The following IL6R variants were observed in gnomAD, a reference collection of about 807,000 sequenced individuals.
The protein encoded by IL6R is interleukin-6 receptor subunit alpha.
A neutral mutation model predicts 48.3 loss-of-function variants in IL6R; 38 were observed. The observed-to-expected ratio is 0.79, with a 90% confidence interval of 0.61 to 1.03. The LOEUF (loss-of-function observed/expected upper bound fraction) is 1.03. IL6R is among the 50% of genes least tolerant of loss of function. IL6R has a pLI of 0.00. For synonymous variants in IL6R, 264 were observed against 256.2 expected (o/e 1.03, Z -0.29); for missense variants, 534 against 618.3 (o/e 0.86, Z 1.45).
At chr1:154,431,878 C>T (rs1030092620) in intron 3 of IL6R, among the ~76,000 whole-genome samples, 2 of 152,166 alleles carry the variant, frequency 1.3e-5, no homozygotes, top group Non-Finnish European at 2.9e-5. Flanking sequence ...TGTGAAATCT[C>T]GTCACACTTC....
chr1:154,437,272 A>G (rs1363307043), intron 6 of IL6R, among the ~76,000 whole-genome samples: 6 of 151,672 alleles, frequency 4.0e-5, no homozygotes, highest in Admixed American at 3.3e-4. Flanking sequence ...AATTTTTTCT[A>G]TTTTTTAGTA....
intron 2 of IL6R, 129 bp downstream of exon 2, chr1:154,429,573 C>T: frequency 1.8e-6 from 2 of 1,108,624 alleles, no homozygotes; most frequent in Non-Finnish European, 2.5e-6. Flanking sequence ...GGGGAAGGCC[C>T]ACCAATGTCT....
At chr1:154,448,071 A>G (rs1690375336) in intron 6 of IL6R, 54 bp from the exon 7 acceptor site, 1 of 1,419,918 alleles carries the variant, frequency 7.0e-7, no homozygotes, top group African/African-American at 1.4e-5. Flanking sequence ...AGCCCCTGAG[A>G]CAGGACTCCA....
In IL6R at chr1:154,465,364, ACTT is replaced by A; in HGVS notation, c.1396_1398del (p.Phe466del). On this transcript the variant is annotated inframe_deletion, in exon 10 of 10. Coordinates refer to ENST00000368485, the MANE Select transcript of IL6R (RefSeq NM_000565.4). ...CCTTATGACATCAGCAATACAGACT[ACTT>A]CTTCCCCAGATAGCTGGCTGGGTGG... The A allele has an allele frequency of 1.2e-6, 2 of 1,614,062 alleles. No homozygotes were observed. The highest frequency in any genetic ancestry group is 1.7e-6 in the Non-Finnish European group (2 of 1,179,992).
intron 2 of IL6R, among the ~76,000 whole-genome samples, chr1:154,430,008 A>G (rs143721445): frequency 1.9e-3 from 285 of 152,252 alleles, no homozygotes; most frequent in Middle Eastern, 0.014. Flanking sequence ...GTCGAGCCCT[A>G]TGCCAAGGCA....
Position 154,440,860 on chromosome 1 carries a change from C to T in IL6R, c.949+4750C>T, listed in dbSNP as rs576205881. On this transcript the variant is annotated intron_variant, in intron 6 of 9. Transcript: ENST00000368485. ...CAGAGACGGGGCTTTGCCATGTTGGCGAGGCTGCTCTTGAACTCCTGACCT... is the reference window on the plus strand; with the variant it reads ...CAGAGACGGGGCTTTGCCATGTTGGTGAGGCTGCTCTTGAACTCCTGACCT... Among the ~76,000 whole-genome samples the T allele has an allele frequency of 3.9e-5, 6 of 152,156 alleles. No homozygotes were observed. In the East Asian group the frequency reaches 7.7e-4, roughly 20 times the overall value.
chr1:154,407,206 C>T (rs1311879830), intron 1 of IL6R, among the ~76,000 whole-genome samples: 1 of 152,198 alleles, frequency 6.6e-6, no homozygotes, highest in African/African-American at 2.4e-5. Flanking sequence ...GGATGCAAGA[C>T]AGGTTCCAGG....
intron 2 of IL6R, 132 bp downstream of exon 2, chr1:154,429,576 C>A: frequency 1.9e-6 from 2 of 1,035,668 alleles, no homozygotes; most frequent in Non-Finnish European, 2.8e-6. Context: ...GAAGGCCCAC[C>A]AATGTCTGCC....
intron 6 of IL6R, among the ~76,000 whole-genome samples, chr1:154,447,788 C>G (rs1470727446): frequency 2.0e-5 from 3 of 151,788 alleles, no homozygotes; most frequent in Non-Finnish European, 4.4e-5. Context: ...GATCTCGGCT[C>G]ACTGCAACCT....
Position 154,434,663 on chromosome 1 carries a change from G to A in IL6R, c.603G>A (p.Lys201=), listed in dbSNP as rs780778444. The A allele has an allele frequency of 7.4e-6, 12 of 1,614,076 alleles. No individual in the cohort carries two copies. The highest frequency in any genetic ancestry group is 1.6e-4 in the Middle Eastern group (1 of 6,084). The change falls in exon 4 of 10, where the codon AAG becomes AAA. Residue 201 remains lysine, a synonymous_variant. Coordinates refer to ENST00000368485, the MANE Select transcript of IL6R (RefSeq NM_000565.4). Reference sequence around the variant, plus strand: ...GCGTCGCCAGTAGTGTCGGGAGCAAGTTCAGCAAAACTCAAACCTTTCAGG... The same window carrying A: ...GCGTCGCCAGTAGTGTCGGGAGCAAATTCAGCAAAACTCAAACCTTTCAGG... ...SMCVASSVGS[K]FSKTQTFQGC... is the part of the protein sequence containing the mutation.
chr1:154,435,878 C>A, intron 5 of IL6R, 91 bp from the exon 6 acceptor site: 1 of 1,158,086 alleles, frequency 8.6e-7, no homozygotes, highest in Non-Finnish European at 1.2e-6. Flanking sequence ...AGCTGAAGCA[C>A]AGGGCTGGCC....
intron 5 of IL6R, among the ~76,000 whole-genome samples, chr1:154,435,523 ATAG>A (rs1289494127): frequency 6.6e-6 from 1 of 151,176 alleles, no homozygotes. Context: ...AAAAAAAAAA[ATAG>A]AAAGGGTACT....
intron 1 of IL6R, among the ~76,000 whole-genome samples, chr1:154,415,838 C>T (rs965220655): frequency 6.6e-6 from 1 of 151,990 alleles, no homozygotes; most frequent in African/African-American, 2.4e-5. Context: ...AAGTAGCCAG[C>T]TGTGGTGACA....
At chr1:154,447,570 C>T (rs1690336983) in intron 6 of IL6R, among the ~76,000 whole-genome samples, 2 of 145,096 alleles carry the variant, frequency 1.4e-5, no homozygotes, top group Non-Finnish European at 3.0e-5. Flanking sequence ...TATATATATA[C>T]ACATACATAT....
At chr1:154,418,386 C>T (rs1170679014) in intron 1 of IL6R, 14 of 984,286 alleles carry the variant, frequency 1.4e-5, no homozygotes, top group Non-Finnish European at 1.7e-5. Context: ...ACCCTCTCTC[C>T]AGCAGTGTAC....
chr1:154,426,412 T>G (rs1029844276), intron 1 of IL6R, among the ~76,000 whole-genome samples: 2 of 151,372 alleles, frequency 1.3e-5, no homozygotes, highest in African/African-American at 4.9e-5. Flanking sequence ...TCCCAACTAC[T>G]CGGGAGGCTG....
intron 7 of IL6R, 23 bp downstream of exon 7, chr1:154,448,194 G>A: frequency 6.2e-7 from 1 of 1,606,486 alleles, no homozygotes. Context: ...TCTTGTAAAA[G>A]GGTCAGGGCT....
rs1259919776 is a variant in IL6R at position 154,467,902 on chromosome 1, C to T, written c.*2522C>T. The T allele has an allele frequency of 6.6e-6, 1 of 152,174 alleles. No individual in the cohort carries two copies. The highest frequency in any genetic ancestry group is 2.4e-5 in the African/African-American group (1 of 41,436). 9.4% of individuals were successfully genotyped at this position (152,174 alleles called of 1,614,324 possible). On this transcript the variant is annotated 3_prime_UTR_variant, in exon 10 of 10. Transcript: ENST00000368485. The stretch of plus-strand genomic sequence containing the variant: ...TAAGGGTGATTCTGTGCCCACAGTT[C>T]TTCAATTCTTTATACCGTTTTACCC...
In IL6R at chr1:154,454,570, C is replaced by T. The variant is rs1690766966; in HGVS notation, c.1149C>T (p.Ala383=). Residue 383 remains alanine (A), a synonymous_variant, in exon 9 of 10, where the codon GCC becomes GCT. Transcript: ENST00000368485. ...SLAFGTLLCI[A]IVLRFKKTWK... ...CCTTCGGAACGCTCCTCTGCATTGCCATTGTTCTGAGGTGAGATGGGTCCC... is the reference window on the plus strand; with the variant it reads ...CCTTCGGAACGCTCCTCTGCATTGCTATTGTTCTGAGGTGAGATGGGTCCC... The T allele has an allele frequency of 1.9e-6, 3 of 1,611,318 alleles. No individual in the cohort carries two copies. The African/African-American group carries it at 4.0e-5, about 22-fold the overall frequency.
Sources: gnomAD v4.1 joint callset for allele counts (sites outside exome capture counted in the v4.1 genomes callset) on GRCh38, gnomAD v4.1.1 for gene constraint, MANE v1.5 for transcripts, NCBI Gene and HGNC (gene_info 2026-07-23, HGNC 2026-07-21) for gene names.